The following SYN3 variants were observed in gnomAD, a reference collection of about 807,000 sequenced individuals.
SYN3 encodes synapsin-3.
A neutral mutation model predicts 65.8 loss-of-function variants in SYN3; 35 were observed. The observed-to-expected ratio is 0.53, with a 90% CI of 0.41 to 0.70. The LOEUF is 0.70. SYN3 is among the 30% of genes least tolerant of loss of function. SYN3 has a pLI of 0.00. For missense variants in SYN3, 680 were observed against 749.0 expected, an observed-to-expected ratio of 0.91 and a Z score of 1.08; for synonymous variants, 270 against 292.9, an observed-to-expected ratio of 0.92 and a Z score of 0.80.
chr22:32,575,641 C>T (rs369451796), intron 7 of SYN3, among the ~76,000 whole-genome samples: 1 of 152,106 alleles, frequency 6.6e-6, no homozygotes, highest in Non-Finnish European at 1.5e-5. Flanking sequence ...TTGCTCTCTG[C>T]GGTCTCATTA....
At chr22:32,967,964 A>C (rs990122325) in intron 3 of SYN3, among the ~76,000 whole-genome samples, 2 of 152,216 alleles carry the variant, frequency 1.3e-5, no homozygotes, top group African/African-American at 4.8e-5. Context: ...GGGGAGGGAG[A>C]TCATCAACAG....
intron 6 of SYN3, among the ~76,000 whole-genome samples, chr22:32,786,330 G>T (rs1211158753): frequency 2.0e-5 from 3 of 152,050 alleles, no homozygotes; most frequent in African/African-American, 7.2e-5. Flanking sequence ...TTATTTCTAG[G>T]AAGTACATAT....
chr22:32,839,297 G>A (rs2047827371), intron 6 of SYN3, among the ~76,000 whole-genome samples: 1 of 152,158 alleles, frequency 6.6e-6, no homozygotes, highest in African/African-American at 2.4e-5. Context: ...GATCCCATTT[G>A]TTCCTGGGAG....
At position 32,908,242 on chromosome 22, in the gene SYN3, C is replaced by T. The variant is rs531095076; in HGVS notation, c.461+23148G>A. 2.0e-4 allele frequency among the ~76,000 whole-genome samples: 31 copies of T among 152,166 alleles called. 1 individual carries two copies. The South Asian group carries it at 6.0e-3, about 30-fold the overall frequency. ...CTGGGATTATAAGTGCCCACTACCA[C>T]GCCTGGCTAATTTTTGTATTTTTAG... On this transcript the variant is annotated intron_variant, in intron 4 of 13. Transcript: ENST00000358763.
rs561654346 is a variant in SYN3 at position 32,616,672 on chromosome 22, C to G, written c.712-19936G>C. 2.0e-5 allele frequency among the ~76,000 whole-genome samples: 3 copies of G among 152,182 alleles called. No homozygotes were observed. In the East Asian group the frequency reaches 5.8e-4, roughly 30 times the overall value. On this transcript the variant is annotated intron_variant, in intron 6 of 13. Transcript: ENST00000358763. ...ACAGAAAGGACCCAGACCCTACCCTCGAAGGGTTCCCAGGCTGGTGGGGGC... is the reference window on the plus strand; with the variant it reads ...ACAGAAAGGACCCAGACCCTACCCTGGAAGGGTTCCCAGGCTGGTGGGGGC...
At chr22:33,037,705 G>A (rs2053885189) in intron 1 of SYN3, among the ~76,000 whole-genome samples, 1 of 152,158 alleles carries the variant, frequency 6.6e-6, no homozygotes, top group Non-Finnish European at 1.5e-5. Flanking sequence ...GGACTGCAGA[G>A]TCTAGAACTA....
intron 6 of SYN3, among the ~76,000 whole-genome samples, chr22:32,601,784 C>T: frequency 6.6e-6 from 1 of 152,256 alleles, no homozygotes; most frequent in East Asian, 1.9e-4. Context: ...GGGGAGCGAC[C>T]TGCCAGCTGT....
At chr22:33,030,301 G>T (rs888270209) in intron 1 of SYN3, among the ~76,000 whole-genome samples, 1 of 152,232 alleles carries the variant, frequency 6.6e-6, no homozygotes, top group African/African-American at 2.4e-5. Flanking sequence ...AGACAAAGGG[G>T]ACCTTCTGGA....
intron 6 of SYN3, among the ~76,000 whole-genome samples, chr22:32,622,928 G>C (rs758933577): frequency 4.6e-5 from 7 of 152,090 alleles, no homozygotes; most frequent in Non-Finnish European, 7.4e-5. Context: ...CTCAGGGACA[G>C]AGATGTGACT....
chr22:32,678,555 T>A (rs1189662019), intron 6 of SYN3, among the ~76,000 whole-genome samples: 5 of 151,580 alleles, frequency 3.3e-5, no homozygotes, highest in Admixed American at 1.3e-4. Context: ...TCCTCCTTCA[T>A]CCTCCTCCTC....
chr22:32,727,630 A>G (rs574158850), intron 6 of SYN3, among the ~76,000 whole-genome samples: 1 of 152,244 alleles, frequency 6.6e-6, no homozygotes, highest in Admixed American at 6.5e-5. Context: ...TTTCTCCACA[A>G]CCTCACCAGC....
At chr22:32,877,036 G>C (rs1569296512) in intron 4 of SYN3, among the ~76,000 whole-genome samples, 1 of 152,242 alleles carries the variant, frequency 6.6e-6, no homozygotes. Context: ...GCCATAACTA[G>C]TCATTCCCCT....
chr22:33,040,234 G>T (rs2145930663), intron 1 of SYN3, among the ~76,000 whole-genome samples: 1 of 152,046 alleles, frequency 6.6e-6, no homozygotes, highest in South Asian at 2.1e-4. Flanking sequence ...CTGACCCCGT[G>T]ATCTCCCGCC....
At chr22:32,610,284 GC>G (rs201871282) in intron 6 of SYN3, among the ~76,000 whole-genome samples, 19 of 151,068 alleles carry the variant, frequency 1.3e-4, no homozygotes, top group Non-Finnish European at 2.1e-4. Context: ...CTGTCCCCCT[GC>G]CCCCCCCAAA....
chr22:32,696,715 C>T (rs965255565), intron 6 of SYN3, among the ~76,000 whole-genome samples: 10 of 152,166 alleles, frequency 6.6e-5, no homozygotes, highest in Admixed American at 5.9e-4. Context: ...TGGGTGAAAA[C>T]GGCTCTTCCC....
chr22:32,729,720 G>A (rs549905975), intron 6 of SYN3, among the ~76,000 whole-genome samples: 2 of 152,164 alleles, frequency 1.3e-5, no homozygotes, highest in Non-Finnish European at 2.9e-5. Context: ...GCATCCACTT[G>A]CTCAGCAGGC....
chr22:32,739,328 TG>T (rs1329064751), intron 6 of SYN3, among the ~76,000 whole-genome samples: 1 of 152,146 alleles, frequency 6.6e-6, no homozygotes, highest in Non-Finnish European at 1.5e-5. Flanking sequence ...CCGCCATGAT[TG>T]TGAGGCCTCC....
Position 32,757,661 on chromosome 22 carries a change from G to A in SYN3, c.711+107254C>T, listed in dbSNP as rs5998621. Reference sequence around the variant, plus strand: ...AGTTACAGTGGTGGCTGGGTTGATCGACCCCGACTATCAAGATGAAATCAG... The same window carrying A: ...AGTTACAGTGGTGGCTGGGTTGATCAACCCCGACTATCAAGATGAAATCAG... On this transcript the variant is annotated intron_variant, in intron 6 of 13. Transcript: ENST00000358763. Among the ~76,000 whole-genome samples the A allele has an allele frequency of 2.5e-3, 387 of 152,250 alleles. 3 individuals carry two copies. The highest frequency in any genetic ancestry group is 9.1e-3 in the African/African-American group (379 of 41,538).
chr22:33,004,302 G>C (rs2053143162), intron 2 of SYN3, among the ~76,000 whole-genome samples: 2 of 152,204 alleles, frequency 1.3e-5, no homozygotes, highest in African/African-American at 2.4e-5. Flanking sequence ...CACACTGTGA[G>C]CCTGGAAAAG....
Sources: allele counts gnomAD v4.1 joint callset (sites outside exome capture counted in the v4.1 genomes callset), GRCh38; gene constraint gnomAD v4.1.1; transcripts MANE v1.5; gene names NCBI Gene and HGNC (gene_info 2026-07-23, HGNC 2026-07-21).